MAK: variants seen among roughly 807,000 people sequenced by gnomAD.
The protein encoded by MAK is serine/threonine-protein kinase MAK.
In MAK, 65 loss-of-function variants were observed where a neutral mutation model predicts 82.6. The observed-to-expected ratio is 0.79, with a 90% CI of 0.64 to 0.97. The LOEUF (loss-of-function observed/expected upper bound fraction) is 0.97. Ranked by LOEUF, MAK falls within the 50% of genes least tolerant of loss-of-function variation. The pLI, the probability that MAK is intolerant of heterozygous loss-of-function variation, is 0.00. For synonymous variants in MAK, 250 were observed against 274.2 expected, an observed-to-expected ratio of 0.91 and a Z score of 0.87; for missense variants, 703 against 780.2, an observed-to-expected ratio of 0.90 and a Z score of 1.18.
At chr6:10,823,382 G>A (rs73429457) in intron 2 of MAK, among the ~76,000 whole-genome samples, 2 of 151,926 alleles carry the variant, frequency 1.3e-5, no homozygotes, top group South Asian at 2.1e-4. Flanking sequence ...CCCCGACACC[G>A]GCTCTTTTGT....
chr6:10,813,532 C>T (rs1405120577), intron 5 of MAK, 112 bp downstream of exon 5: 1 of 731,240 alleles, frequency 1.4e-6, no homozygotes, highest in Non-Finnish European at 2.5e-6. Context: ...GGCACATACT[C>T]CAGATTCATA....
At chr6:10,810,425 C>T (rs1776842477) in intron 5 of MAK, among the ~76,000 whole-genome samples, 1 of 150,326 alleles carries the variant, frequency 6.7e-6, no homozygotes, top group Admixed American at 6.6e-5. Context: ...TTGCAACCTC[C>T]GCCTCCTGGG....
chr6:10,772,626 A>C (rs1048583187), intron 13 of MAK, among the ~76,000 whole-genome samples: 2 of 152,074 alleles, frequency 1.3e-5, no homozygotes, highest in African/African-American at 2.4e-5. Context: ...TTCAGGTGTG[A>C]GCCACCGCGC....
chr6:10,826,281 G>A (rs1392941300), intron 2 of MAK, among the ~76,000 whole-genome samples: 1 of 117,272 alleles, frequency 8.5e-6, no homozygotes, highest in African/African-American at 3.4e-5. Context: ...TCTCATTCTT[G>A]AGGTCTCAAT....
At chr6:10,789,263 T>C (rs1774869127) in intron 10 of MAK, among the ~76,000 whole-genome samples, 1 of 152,134 alleles carries the variant, frequency 6.6e-6, no homozygotes, top group Non-Finnish European at 1.5e-5. Flanking sequence ...AAAGAGCTCC[T>C]GGATAAGTTT....
At position 10,815,938 on chromosome 6, in the gene MAK, ATATATAT is replaced by A. The variant is rs1561991925; in HGVS notation, c.278+1905_278+1911del. On this transcript the variant is annotated intron_variant, in intron 4 of 14. Coordinates refer to ENST00000354489, the MANE Select transcript of MAK (RefSeq NM_001242957.3). ...TATATATATATATATATATATATAT[ATATATAT>A]ATGTATGTTTTCTTTTTTGTTTGAG... is the stretch of plus-strand genomic sequence containing the variant. Among the ~76,000 whole-genome samples, 61 of 131,380 alleles carry A rather than the reference ATATATAT, an allele frequency of 4.6e-4. 4 individuals carry two copies. The highest frequency in any genetic ancestry group is 1.9e-3 in the African/African-American group (59 of 31,410). The allele number at this position is 131,380 out of a possible 152,430, so 86.2% of individuals were successfully genotyped here. A position where few individuals can be genotyped will look rare whatever the true frequency, so the allele number is the denominator to read the frequency against.
intron 2 of MAK, among the ~76,000 whole-genome samples, chr6:10,822,994 AGTGTTCTC>A (rs1778080101): frequency 6.6e-6 from 1 of 152,212 alleles, no homozygotes; most frequent in African/African-American, 2.4e-5. Context: ...TGTTCAGTGT[AGTGTTCTC>A]CCAACTTCTA....
At position 10,830,799 on chromosome 6, in the gene MAK, C is replaced by T. The variant is rs1424306747; in HGVS notation, c.-151G>A. On this transcript the variant is annotated 5_prime_UTR_variant, in exon 2 of 15. Transcript: ENST00000354489. ...TTGTCATCATTAAATATAGTCTCTC[C>T]CCCAAGATTACAGAGGTTCATGAGA... The T allele has an allele frequency of 4.3e-6, 3 of 696,400 alleles. No homozygotes were observed. The highest frequency in any genetic ancestry group is 7.9e-6 in the Non-Finnish European group (3 of 381,406). The allele number at this position is 696,400 out of a possible 1,614,324, so 43.1% of individuals were successfully genotyped here. A position where few individuals can be genotyped will look rare whatever the true frequency, so the allele number is the denominator to read the frequency against.
chr6:10,768,143 T>C (rs930265841), intron 14 of MAK, among the ~76,000 whole-genome samples: 1 of 152,156 alleles, frequency 6.6e-6, no homozygotes, highest in South Asian at 2.1e-4. Flanking sequence ...TGCATGCTAA[T>C]TGGATAGAAT....
intron 1 of MAK, among the ~76,000 whole-genome samples, chr6:10,832,662 C>G (rs1002340904): frequency 4.6e-5 from 7 of 152,092 alleles, no homozygotes; most frequent in African/African-American, 1.7e-4. Flanking sequence ...CTACACCCAG[C>G]TATTTTTTGT....
At chr6:10,829,882 G>C (rs912977002) in intron 2 of MAK, among the ~76,000 whole-genome samples, 1 of 151,952 alleles carries the variant, frequency 6.6e-6, no homozygotes, top group African/African-American at 2.4e-5. Flanking sequence ...TGTCACCCAG[G>C]CTGGAGTGCA....
chr6:10,787,427 T>C (rs1774666196), intron 10 of MAK, among the ~76,000 whole-genome samples: 1 of 152,210 alleles, frequency 6.6e-6, no homozygotes, highest in Non-Finnish European at 1.5e-5. Flanking sequence ...TCTGCAGATA[T>C]TTTTACTGAA....
rs1355512713 is a variant in MAK at position 10,803,770 on chromosome 6, C to A, written c.613G>T (p.Glu205Ter). Residue 205 changes from glutamate to a stop codon, truncating the protein, a stop_gained, in exon 7 of 15, where the codon GAG becomes TAG. Transcript: ENST00000354489. LOFTEE classifies it high-confidence loss of function. ...CAAATTTTAAAGATTTCATCGACCT[C>A]ACTTGTCCCTGGGAAAAGTGGCCTT... is the stretch of plus-strand genomic sequence containing the variant. ...MLRPLFPGTSEVDEIFKICQV... is the reference protein window; with the variant it reads ...MLRPLFPGTS The A allele has an allele frequency of 4.3e-6, 7 of 1,614,096 alleles. No individual in the cohort carries two copies. Among genetic ancestry groups the A allele is most frequent in the Non-Finnish European group, 5.9e-6 (7 of 1,180,008 alleles).
intron 1 of MAK, among the ~76,000 whole-genome samples, chr6:10,834,779 A>AATTATTATTATT (rs151044006): frequency 6.6e-6 from 1 of 151,696 alleles, no homozygotes. Context: ...CTCTCATGAA[A>AATTATTATTATT]ATTATTATTA....
chr6:10,810,097 C>CAAAAAAAA (rs1289360594), intron 5 of MAK, among the ~76,000 whole-genome samples: 1 of 36,020 alleles, frequency 2.8e-5, no homozygotes, highest in African/African-American at 1.9e-4. Flanking sequence ...GACACTGTCT[C>CAAAAAAAA]AAAAAAAAAA....
chr6:10,833,298 G>A (rs1581782702), intron 1 of MAK, among the ~76,000 whole-genome samples: 1 of 152,250 alleles, frequency 6.6e-6, no homozygotes, highest in East Asian at 1.9e-4. Context: ...AGAATCCTGT[G>A]GGGCTTTTAA....
chr6:10,776,330 T>C lies in MAK; in HGVS notation c.1466-871A>G, dbSNP rs760558913. 1.3e-5 allele frequency among the ~76,000 whole-genome samples: 2 copies of C among 152,258 alleles called. No homozygotes were observed. The highest frequency in any genetic ancestry group is 4.8e-5 in the African/African-American group (2 of 41,478). On this transcript the variant is annotated intron_variant, in intron 11 of 14. Coordinates refer to ENST00000354489, the MANE Select transcript of MAK (RefSeq NM_001242957.3). This position sits in a 1 kb window ranked among gnomAD's most constrained non-coding sequence, Gnocchi z 4.3. The stretch of plus-strand genomic sequence containing the variant: ...GAAAAAGAACAGTTTAAATTACTTA[T>C]GATTTTCTGAAATCTGTGAAATGTC...
At chr6:10,802,755 T>C (rs1776117639) in intron 7 of MAK, among the ~76,000 whole-genome samples, 1 of 152,184 alleles carries the variant, frequency 6.6e-6, no homozygotes, top group Admixed American at 6.6e-5. Flanking sequence ...TATTACCCAT[T>C]GCATACAATG....
intron 11 of MAK, among the ~76,000 whole-genome samples, chr6:10,777,699 C>CG (rs1239239261): frequency 6.6e-6 from 1 of 152,076 alleles, no homozygotes. Flanking sequence ...AGTGCAATGG[C>CG]GTGATCTCAG....
Sources: allele counts gnomAD v4.1 joint callset (sites outside exome capture counted in the v4.1 genomes callset), GRCh38; gene constraint gnomAD v4.1.1; non-coding constraint Gnocchi (gnomAD v3.1); transcripts MANE v1.5; gene names NCBI Gene and HGNC (gene_info 2026-07-23, HGNC 2026-07-21).